Variants in DPY19L2 observed in about 807,000 individuals in gnomAD.
DPY19L2 encodes dpy-19 like 2.
In DPY19L2, 34 loss-of-function variants were observed where a neutral mutation model predicts 97.9. That is an observed-to-expected ratio of 0.35 (90% CI 0.26 to 0.46). The LOEUF is 0.46. DPY19L2 is among the 20% of genes least tolerant of loss of function. The pLI is 1.00. For missense variants in DPY19L2, 623 were observed against 911.4 expected, an observed-to-expected ratio of 0.68 and a Z score of 4.07; for synonymous variants, 230 against 307.9, an observed-to-expected ratio of 0.75 and a Z score of 2.65.
intron 20 of DPY19L2, among the ~76,000 whole-genome samples, chr12:63,569,793 T>A (rs563518774): frequency 6.6e-6 from 1 of 152,266 alleles, no homozygotes; most frequent in East Asian, 1.9e-4. Context: ...ACAATGGGCA[T>A]CCAGGGTGTC....
chr12:63,569,923 C>T (rs1878480879), intron 20 of DPY19L2, among the ~76,000 whole-genome samples: 1 of 152,098 alleles, frequency 6.6e-6, no homozygotes, highest in South Asian at 2.1e-4. Context: ...CAAACTATCA[C>T]TTATGCATTG....
intron 8 of DPY19L2, among the ~76,000 whole-genome samples, chr12:63,622,288 C>T (rs1281588088): frequency 6.6e-6 from 1 of 152,042 alleles, no homozygotes; most frequent in Non-Finnish European, 1.5e-5. Context: ...ACCCACCTTC[C>T]TAGGAATTAA....
intron 4 of DPY19L2, among the ~76,000 whole-genome samples, chr12:63,659,033 T>C (rs1406077224): frequency 2.6e-5 from 4 of 152,124 alleles, no homozygotes; most frequent in African/African-American, 9.7e-5. Context: ...TTCATCTATA[T>C]GACCAGCTAT....
chr12:63,600,209 C>A lies in DPY19L2; in HGVS notation c.1359+97G>T, dbSNP rs540574802. The A allele has an allele frequency of 3.4e-4, 345 of 1,021,606 alleles. 2 individuals are homozygous for A. In the Middle Eastern group the frequency reaches 3.6e-3, roughly 11 times the overall value. The allele number at this position is 1,021,606 out of a possible 1,614,324, so 63.3% of individuals were successfully genotyped here. On this transcript the variant is annotated intron_variant, in intron 13 of 21. Coordinates refer to ENST00000324472, the MANE Select transcript of DPY19L2 (RefSeq NM_173812.5). ...TAGAGACCTTAGAGAAGGCACTTAA[C>A]CTCTGTAAAATGAAGAGATAAGAAT... is the stretch of plus-strand genomic sequence containing the variant.
chr12:63,656,560 T>C (rs906903352), intron 4 of DPY19L2, among the ~76,000 whole-genome samples: 2 of 152,222 alleles, frequency 1.3e-5, no homozygotes, highest in Non-Finnish European at 2.9e-5. Flanking sequence ...TGATGTTCTC[T>C]GAGTTTCTTG....
chr12:63,638,045 T>A (rs1424587332), intron 6 of DPY19L2, among the ~76,000 whole-genome samples: 1 of 152,198 alleles, frequency 6.6e-6, no homozygotes, highest in Non-Finnish European at 1.5e-5. Flanking sequence ...GATGCAAGGC[T>A]GGTTCAACAT....
chr12:63,647,492 T>G (rs1371186175), intron 4 of DPY19L2, 127 bp from the exon 5 acceptor site: 1 of 389,020 alleles, frequency 2.6e-6, no homozygotes, highest in South Asian at 6.3e-5. Flanking sequence ...TCCTTTATAG[T>G]GACATGGATG....
chr12:63,634,083 G>A (rs191516912), intron 6 of DPY19L2, among the ~76,000 whole-genome samples: 2 of 146,618 alleles, frequency 1.4e-5, no homozygotes, highest in South Asian at 2.3e-4. Context: ...GGAAGGGGGA[G>A]GGATAGCATT....
chr12:63,615,066 G>A (rs1372321993), intron 11 of DPY19L2, among the ~76,000 whole-genome samples: 1 of 152,096 alleles, frequency 6.6e-6, no homozygotes, highest in Non-Finnish European at 1.5e-5. Flanking sequence ...AGAGAACTTA[G>A]TAGAAACCTA....
At chr12:63,614,411 T>TA (rs1887525995) in intron 11 of DPY19L2, among the ~76,000 whole-genome samples, 1 of 151,926 alleles carries the variant, frequency 6.6e-6, no homozygotes, top group Admixed American at 6.6e-5. Context: ...TTTCTTCACA[T>TA]AAAAACATGA....
rs1309115224 is a variant in DPY19L2 at position 63,663,863 on chromosome 12, A to G, written c.363-18T>C. On this transcript the variant is annotated intron_variant, in intron 2 of 21. Coordinates refer to ENST00000324472, the MANE Select transcript of DPY19L2 (RefSeq NM_173812.5). ...AATGTAACCTAGAAAAAAATGAAGT[A>G]TCATATTACAATAAGAACGAGTTTC... 6.5e-7 allele frequency: 1 copy of G among 1,541,076 alleles called. No individual in the cohort carries two copies. The highest frequency in any genetic ancestry group is 8.9e-7 in the Non-Finnish European group (1 of 1,128,366).
chr12:63,599,047 C>A (rs1395132732), intron 13 of DPY19L2, among the ~76,000 whole-genome samples: 4 of 151,736 alleles, frequency 2.6e-5, no homozygotes, highest in Non-Finnish European at 5.9e-5. Flanking sequence ...GTGGCACGTG[C>A]CTATAACCTC....
At chr12:63,563,426 T>C (rs551588149) in intron 21 of DPY19L2, among the ~76,000 whole-genome samples, 26 of 152,332 alleles carry the variant, frequency 1.7e-4, no homozygotes, top group African/African-American at 6.0e-4. Context: ...AGTTACCTTC[T>C]ACTCCTAGTT....
intron 6 of DPY19L2, among the ~76,000 whole-genome samples, chr12:63,633,456 C>G (rs1266169): frequency 6.6e-6 from 1 of 152,024 alleles, no homozygotes; most frequent in Non-Finnish European, 1.5e-5. Context: ...AATAGACACA[C>G]GAAAAAATGC....
chr12:63,583,125 ATAAAATC>A (rs1173027847), intron 17 of DPY19L2, among the ~76,000 whole-genome samples: 2 of 152,298 alleles, frequency 1.3e-5, no homozygotes, highest in East Asian at 3.9e-4. Context: ...CCAAAATTCA[ATAAAATC>A]TGAAATCTGA....
chr12:63,618,797 T>C (rs1393942691), intron 9 of DPY19L2, among the ~76,000 whole-genome samples: 2 of 152,132 alleles, frequency 1.3e-5, no homozygotes, highest in Non-Finnish European at 2.9e-5. Context: ...CAATTTTTCA[T>C]GTATGATGTC....
chr12:63,617,169 T>C, intron 11 of DPY19L2, 135 bp downstream of exon 11: 2 of 605,172 alleles, frequency 3.3e-6, no homozygotes, highest in South Asian at 2.1e-5. Flanking sequence ...GATAAAAAGC[T>C]TTGCTTGGGA....
At chr12:63,566,390 A>C (rs192984831) in intron 21 of DPY19L2, among the ~76,000 whole-genome samples, 1 of 152,174 alleles carries the variant, frequency 6.6e-6, no homozygotes, top group African/African-American at 2.4e-5. Flanking sequence ...CAGAATGGTG[A>C]AAGAGAGCAT....
chr12:63,593,060 C>T lies in DPY19L2; in HGVS notation c.1580+1027G>A, dbSNP rs1465483956. Among the ~76,000 whole-genome samples, 340 of 151,832 alleles carry T rather than the reference C, an allele frequency of 2.2e-3. 3 individuals are homozygous for T. Among genetic ancestry groups the T allele is most frequent in the African/African-American group, 7.9e-3 (326 of 41,368 alleles). On this transcript the variant is annotated intron_variant, in intron 16 of 21. Coordinates refer to ENST00000324472, the MANE Select transcript of DPY19L2 (RefSeq NM_173812.5). ...AAAAATGCTCATCATCACTGGCCAT[C>T]AGAGAAATGCAAATCAAAACCACAA...
Sources: allele counts gnomAD v4.1 joint callset (sites outside exome capture counted in the v4.1 genomes callset), GRCh38; gene constraint gnomAD v4.1.1; transcripts MANE v1.5; gene names NCBI Gene and HGNC (gene_info 2026-07-23, HGNC 2026-07-21).